FHIT: variants seen among roughly 807,000 people sequenced by gnomAD.
FHIT encodes bis(5'-adenosyl)-triphosphatase.
Under a neutral mutation model 17.9 loss-of-function variants are expected in FHIT, and 19 were observed. The observed-to-expected ratio is 1.06, with a 90% CI of 0.74 to 1.56. FHIT has a LOEUF of 1.56. FHIT is among the 40% of genes most tolerant of loss of function. The pLI is 0.00. For missense variants in FHIT, 248 were observed against 189.2 expected, an observed-to-expected ratio of 1.31 and a Z score of -1.82; for synonymous variants, 81 against 69.7, an observed-to-expected ratio of 1.16 and a Z score of -0.81.
At chr3:61,163,976 G>A (rs1441330978) in intron 2 of FHIT, among the ~76,000 whole-genome samples, 1 of 152,146 alleles carries the variant, frequency 6.6e-6, no homozygotes, top group Non-Finnish European at 1.5e-5. Context: ...CAGCAACACA[G>A]TAGATCCATG....
At chr3:61,236,682 G>C (rs138049992) in intron 1 of FHIT, among the ~76,000 whole-genome samples, 273 of 152,322 alleles carry the variant, frequency 1.8e-3, no homozygotes, top group African/African-American at 6.2e-3. Flanking sequence ...ACTAAAACCT[G>C]GGTCTCCCAG....
In FHIT at chr3:59,845,077, T is replaced by C. The variant is rs180856347; in HGVS notation, c.348+77269A>G. On this transcript the variant is annotated intron_variant, in intron 8 of 9. Coordinates refer to ENST00000492590, the MANE Select transcript of FHIT (RefSeq NM_002012.4). ...AACTATCCAATGTGCTGGCATGCAA[T>C]TGTTTATATTACTTGCTTATAATCC... 9.3e-4 allele frequency among the ~76,000 whole-genome samples: 142 copies of C among 152,280 alleles called. 1 individual carries two copies. The highest frequency in any genetic ancestry group is 3.2e-3 in the African/African-American group (134 of 41,576).
intron 5 of FHIT, among the ~76,000 whole-genome samples, chr3:60,015,882 T>G (rs1261216840): frequency 6.6e-6 from 1 of 152,250 alleles, no homozygotes. Flanking sequence ...AACTTATTGT[T>G]TGTCAATTTT....
At chr3:59,920,486 A>G (rs961661012) in intron 8 of FHIT, among the ~76,000 whole-genome samples, 3 of 152,212 alleles carry the variant, frequency 2.0e-5, no homozygotes, top group Admixed American at 6.5e-5. Flanking sequence ...GACAGGAGAG[A>G]GAGGCCATAC....
chr3:60,672,289 GT>G (rs2040524567), intron 4 of FHIT, among the ~76,000 whole-genome samples: 1 of 151,718 alleles, frequency 6.6e-6, no homozygotes, highest in Non-Finnish European at 1.5e-5. Flanking sequence ...GGCGGGCTGA[GT>G]CCAAAAAGAG....
intron 4 of FHIT, among the ~76,000 whole-genome samples, chr3:60,809,156 GTAAT>G (rs1227782821): frequency 6.6e-6 from 1 of 152,008 alleles, no homozygotes; most frequent in African/African-American, 2.4e-5. Flanking sequence ...ATTACATTTA[GTAAT>G]TAATCACAAG....
chr3:60,042,296 T>C (rs1349537957), intron 5 of FHIT, among the ~76,000 whole-genome samples: 1 of 152,252 alleles, frequency 6.6e-6, no homozygotes, highest in African/African-American at 2.4e-5. Flanking sequence ...TACTTTTTTC[T>C]TTCCTCCATA....
chr3:61,206,614 CTGTT>C (rs1196861696), intron 1 of FHIT, among the ~76,000 whole-genome samples: 5 of 152,284 alleles, frequency 3.3e-5, no homozygotes, highest in East Asian at 1.9e-4. Flanking sequence ...ATTTCACTCT[CTGTT>C]TGTCTGTTAT....
intron 4 of FHIT, among the ~76,000 whole-genome samples, chr3:60,651,855 G>A (rs1005837730): frequency 6.6e-6 from 1 of 152,148 alleles, no homozygotes; most frequent in South Asian, 2.1e-4. Context: ...AAAATAGAGT[G>A]TTCTGGTTCA....
chr3:60,445,747 A>G (rs1333542368), intron 5 of FHIT, among the ~76,000 whole-genome samples: 2 of 151,962 alleles, frequency 1.3e-5, no homozygotes, highest in East Asian at 3.9e-4. Context: ...TTCAAAGACA[A>G]AGACACAGAT....
At chr3:60,579,704 G>T (rs965285827) in intron 4 of FHIT, among the ~76,000 whole-genome samples, 2 of 152,064 alleles carry the variant, frequency 1.3e-5, no homozygotes, top group Non-Finnish European at 2.9e-5. Flanking sequence ...ATAAATTTGA[G>T]ATGTTACAAT....
At chr3:60,839,920 G>A (rs970088929) in intron 3 of FHIT, among the ~76,000 whole-genome samples, 23 of 152,060 alleles carry the variant, frequency 1.5e-4, no homozygotes, top group African/African-American at 4.1e-4. Context: ...ATTTAACTAC[G>A]TCTTTATTTC....
At chr3:61,061,259 G>T (rs933672762) in intron 2 of FHIT, among the ~76,000 whole-genome samples, 1 of 152,114 alleles carries the variant, frequency 6.6e-6, no homozygotes, top group Non-Finnish European at 1.5e-5. Context: ...GTTTCAGTCG[G>T]TTGGTTTTGT....
At chr3:60,092,753 A>G (rs1169313892) in intron 5 of FHIT, among the ~76,000 whole-genome samples, 5 of 152,194 alleles carry the variant, frequency 3.3e-5, no homozygotes, top group African/African-American at 1.2e-4. Flanking sequence ...TAAAAATAAT[A>G]ACAATAATGA....
At chr3:59,837,705 A>G (rs1701388623) in intron 8 of FHIT, among the ~76,000 whole-genome samples, 1 of 152,208 alleles carries the variant, frequency 6.6e-6, no homozygotes, top group Admixed American at 6.5e-5. Context: ...TATGAGGAGC[A>G]CTATAGCACA....
At chr3:60,591,124 A>G (rs764178997) in intron 4 of FHIT, among the ~76,000 whole-genome samples, 36 of 152,102 alleles carry the variant, frequency 2.4e-4, no homozygotes, top group Non-Finnish European at 4.1e-4. Context: ...TGAAAAGCTA[A>G]GCCCACTGAT....
intron 4 of FHIT, among the ~76,000 whole-genome samples, chr3:60,677,784 G>A (rs2107855701): frequency 6.6e-6 from 1 of 152,226 alleles, no homozygotes; most frequent in East Asian, 1.9e-4. Flanking sequence ...TGGCTATGAA[G>A]CCATCCAGTC....
intron 2 of FHIT, among the ~76,000 whole-genome samples, chr3:61,059,988 G>A (rs4414847): frequency 0.05 from 7,654 of 152,088 alleles, 619 homozygotes; most frequent in African/African-American, 0.17. Context: ...TAGTGAGTAT[G>A]AGTGTGTGTG....
rs937575435 is a variant in FHIT at position 59,942,310 on chromosome 3, C to T, written c.280-19896G>A. The stretch of plus-strand genomic sequence containing the variant: ...AGATCACCCTTAGCCTTCATCTTTC[C>T]ATGCCTTTGCCATACACTACCTTCC... On this transcript the variant is annotated intron_variant, in intron 7 of 9. Coordinates refer to ENST00000492590, the MANE Select transcript of FHIT (RefSeq NM_002012.4). Among the ~76,000 whole-genome samples the T allele has an allele frequency of 7.9e-5, 12 of 152,172 alleles. 1 individual carries two copies. Among genetic ancestry groups the T allele is most frequent in the Admixed American group, 7.2e-4 (11 of 15,274 alleles).
Sources: allele counts gnomAD v4.1 joint callset (sites outside exome capture counted in the v4.1 genomes callset), GRCh38; gene constraint gnomAD v4.1.1; transcripts MANE v1.5; gene names NCBI Gene and HGNC (gene_info 2026-07-23, HGNC 2026-07-21).